Variants in DMD observed in about 807,000 individuals in gnomAD.
The protein encoded by DMD is dystrophin, also known as mutant dystrophin.
In DMD, 63 loss-of-function variants were observed where a neutral mutation model predicts 330.1. The observed-to-expected ratio is 0.19, with a 90% CI of 0.16 to 0.24. The LOEUF is 0.24. Ranked by LOEUF, DMD falls within the 10% of genes least tolerant of loss-of-function variation. The pLI, the probability that DMD is intolerant of heterozygous loss-of-function variation, is 1.00. For missense variants in DMD, 3,344 were observed against 2,684.1 expected, an observed-to-expected ratio of 1.25 and a Z score of -5.43; for synonymous variants, 1,223 against 959.8, an observed-to-expected ratio of 1.27 and a Z score of -5.07.
chrX:31,816,821 C>CACACACACACACACAT (rs1432597505), intron 50 of DMD, among the ~76,000 whole-genome samples: 2 of 109,185 alleles, frequency 1.8e-5, no homozygotes, highest in African/African-American at 6.7e-5. Context: ...CACACACACA[C>CACACACACACACACAT]AAAGAAAAAA....
At chrX:32,216,861 AGTCCAGAT>A (rs1869412571) in intron 44 of DMD, 47 bp downstream of exon 44, 2 of 1,086,591 alleles carry the variant, frequency 1.8e-6, no homozygotes, top group Admixed American at 2.3e-5. Flanking sequence ...GAAGTTAAAG[AGTCCAGAT>A]GTGCTGAAGA....
At chrX:31,767,531 T>C (rs1030772328) in intron 51 of DMD, among the ~76,000 whole-genome samples, 5 of 112,462 alleles carry the variant, frequency 4.4e-5, no homozygotes, top group Non-Finnish European at 9.4e-5. Context: ...TTTAGATCAA[T>C]TAACTAAATT....
At chrX:31,225,470 T>G (rs1379433747) in intron 63 of DMD, among the ~76,000 whole-genome samples, 3 of 112,381 alleles carry the variant, frequency 2.7e-5, no homozygotes, top group Non-Finnish European at 5.6e-5. Context: ...TAAATTGAGT[T>G]TAAGAAGAAT....
intron 1 of DMD, among the ~76,000 whole-genome samples, chrX:33,115,209 A>G (rs1384855500): frequency 8.9e-6 from 1 of 112,054 alleles, no homozygotes; most frequent in African/African-American, 3.2e-5. Context: ...GCAACAATAC[A>G]AACTCTATAG....
At chrX:31,909,248 TAG>T (rs2094517442) in intron 47 of DMD, among the ~76,000 whole-genome samples, 1 of 111,450 alleles carries the variant, frequency 9.0e-6, no homozygotes, top group Non-Finnish European at 1.9e-5. Context: ...GGTGCAGCTG[TAG>T]AGTTTGGTTG....
chrX:31,146,329 A>G lies in DMD; in HGVS notation c.10883T>C (p.Leu3628Pro). The G allele has an allele frequency of 1.7e-6, 2 of 1,211,383 alleles. No homozygotes were observed. Among genetic ancestry groups the G allele is most frequent in the Non-Finnish European group, 2.2e-6 (2 of 895,140 alleles). Residue 3628 changes from leucine to proline, a missense_variant, in exon 76 of 79, where the codon CTG becomes CCG. Coordinates refer to ENST00000357033, the MANE Select transcript of DMD (RefSeq NM_004006.3). The part of the protein sequence containing the change: ...LQRSDSSQPM[L>P]LRVVGSQTSD... ...AGTTTGACTGCCAACCACTCGGAGC[A>G]GCATAGGCTGACTGCTGTCGGACCT... is the stretch of plus-strand genomic sequence containing the variant.
intron 18 of DMD, among the ~76,000 whole-genome samples, chrX:32,503,931 G>A (rs1025409309): frequency 4.0e-4 from 45 of 111,773 alleles, no homozygotes; most frequent in African/African-American, 1.4e-3. Context: ...TGACTTCAAG[G>A]CTTGATATAA....
intron 62 of DMD, among the ~76,000 whole-genome samples, chrX:31,313,154 C>T (rs1397278367): frequency 9.9e-6 from 1 of 101,228 alleles, no homozygotes; most frequent in Non-Finnish European, 2.0e-5. Flanking sequence ...CAGAATCAAA[C>T]ATTTTAAAAA....
chrX:33,129,018 G>A (rs918594135), intron 1 of DMD: 4 of 111,964 alleles, frequency 3.6e-5, no homozygotes, highest in African/African-American at 9.7e-5. Flanking sequence ...GGAATAATCC[G>A]TATAACTTAC....
chrX:32,893,561 C>A (rs2085420284), intron 2 of DMD, among the ~76,000 whole-genome samples: 1 of 112,060 alleles, frequency 8.9e-6, no homozygotes, highest in Non-Finnish European at 1.9e-5. Context: ...CATTAAAACC[C>A]CTCAGAGGTG....
At chrX:32,657,179 C>T (rs946959327) in intron 9 of DMD, among the ~76,000 whole-genome samples, 1 of 110,244 alleles carries the variant, frequency 9.1e-6, no homozygotes, top group Non-Finnish European at 1.9e-5. Context: ...ATAATCCACA[C>T]AATAGAACCT....
chrX:33,215,884 T>C (rs1318359141), upstream of DMD, among the ~76,000 whole-genome samples: 1 of 111,656 alleles, frequency 9.0e-6, no homozygotes, highest in Non-Finnish European at 1.9e-5. Flanking sequence ...TGGTCTATGG[T>C]CTGTTTTTGT....
chrX:32,513,037 T>C (rs1348040382), intron 18 of DMD, among the ~76,000 whole-genome samples: 1 of 112,161 alleles, frequency 8.9e-6, no homozygotes, highest in Non-Finnish European at 1.9e-5. Context: ...ATTTGGTCAT[T>C]AGGCGTGGTT....
At chrX:33,183,030 AT>A (rs1484568916) in intron 1 of DMD, among the ~76,000 whole-genome samples, 1 of 112,101 alleles carries the variant, frequency 8.9e-6, no homozygotes, top group Admixed American at 9.5e-5. Flanking sequence ...TATGGAGATG[AT>A]TTTTTATAGT....
rs770166168 is a variant in DMD at position 31,699,299 on chromosome X, T to C, written c.7661-19713A>G. On this transcript the variant is annotated intron_variant, in intron 52 of 78. Coordinates refer to ENST00000357033, the MANE Select transcript of DMD (RefSeq NM_004006.3). ...ACAGTTTGTGAAATACGTTTCTTGA[T>C]GCCTCTGTCAGAGCTGAAAGCTCAC... Among the ~76,000 whole-genome samples the C allele has an allele frequency of 8.9e-5, 10 of 112,531 alleles. No individual in the cohort carries two copies. The East Asian group carries it at 2.2e-3, about 25-fold the overall frequency.
intron 29 of DMD, among the ~76,000 whole-genome samples, chrX:32,417,255 C>A (rs1474296650): frequency 8.9e-6 from 1 of 111,770 alleles, no homozygotes; most frequent in East Asian, 2.8e-4. Flanking sequence ...CTCCACCATA[C>A]CCACTTATAC....
At chrX:33,059,364 ATCTC>A (rs2094555240) in intron 1 of DMD, among the ~76,000 whole-genome samples, 1 of 102,473 alleles carries the variant, frequency 9.8e-6, no homozygotes, top group Admixed American at 1.1e-4. Flanking sequence ...ATTTCCCTCT[ATCTC>A]TCTCTGTCTC....
In DMD at chrX:32,137,082, T is replaced by A. The variant is rs758720286; in HGVS notation, c.6438+79834A>T. Reference sequence around the variant, plus strand: ...ATTATCAGCACAGATAACATAAAACTTTTTTTAAAAATGTGGGTTTATTCT... The same window carrying A: ...ATTATCAGCACAGATAACATAAAACATTTTTTAAAAATGTGGGTTTATTCT... On this transcript the variant is annotated intron_variant, in intron 44 of 78. Transcript: ENST00000357033. 4.5e-5 allele frequency among the ~76,000 whole-genome samples: 5 copies of A among 112,287 alleles called. No homozygotes were observed. The East Asian group carries it at 1.1e-3, about 25-fold the overall frequency.
chrX:33,029,794 T>C (rs1425885667), intron 1 of DMD, among the ~76,000 whole-genome samples: 4 of 111,916 alleles, frequency 3.6e-5, no homozygotes, highest in Non-Finnish European at 7.5e-5. Flanking sequence ...ATTGAAGAAA[T>C]GTATTAGAGT....
Sources: allele counts gnomAD v4.1 joint callset (sites outside exome capture counted in the v4.1 genomes callset), GRCh38; gene constraint gnomAD v4.1.1; transcripts MANE v1.5; gene names NCBI Gene and HGNC (gene_info 2026-07-23, HGNC 2026-07-21).